The following DGKB variants were observed in gnomAD, a reference collection of about 807,000 sequenced individuals.
The protein encoded by DGKB is diacylglycerol kinase beta, also known as 90 kDa diacylglycerol kinase.
DGKB carries 67 observed loss-of-function variants against 114.3 expected under a neutral mutation model. That is an observed-to-expected ratio of 0.59 (90% CI 0.48 to 0.72). The LOEUF is 0.72. Among genes scored for constraint, DGKB ranks in the 30% least tolerant of loss-of-function variants. DGKB has a pLI of 0.00. For synonymous variants in DGKB, 398 were observed against 323.1 expected, an observed-to-expected ratio of 1.23 and a Z score of -2.49; for missense variants, 907 against 975.2, an observed-to-expected ratio of 0.93 and a Z score of 0.93.
At chr7:14,301,235 A>G (rs577864762) in intron 23 of DGKB, among the ~76,000 whole-genome samples, 1 of 152,260 alleles carries the variant, frequency 6.6e-6, no homozygotes, top group East Asian at 1.9e-4. Context: ...GTTAAACAAT[A>G]ACACCAAAGA....
At chr7:14,562,554 T>C (rs965675020) in intron 20 of DGKB, among the ~76,000 whole-genome samples, 1 of 152,224 alleles carries the variant, frequency 6.6e-6, no homozygotes, top group Non-Finnish European at 1.5e-5. Flanking sequence ...TCCAAGGCCA[T>C]GGAAGCCTAT....
intron 2 of DGKB, among the ~76,000 whole-genome samples, chr7:14,828,631 A>T (rs75142078): frequency 2.2e-3 from 331 of 152,154 alleles, no homozygotes; most frequent in African/African-American, 7.8e-3. Flanking sequence ...GTTGGACAAA[A>T]TGTCATGGTA....
chr7:14,774,092 G>A (rs1342611597), intron 2 of DGKB, among the ~76,000 whole-genome samples: 3 of 152,096 alleles, frequency 2.0e-5, no homozygotes, highest in Non-Finnish European at 2.9e-5. Context: ...ATAGGCTTGG[G>A]AGGAGTGCAA....
intron 20 of DGKB, among the ~76,000 whole-genome samples, chr7:14,503,754 G>A (rs976278329): frequency 2.0e-5 from 3 of 152,114 alleles, no homozygotes; most frequent in Admixed American, 6.6e-5. Context: ...AGACAATAGG[G>A]ATGTGATTTA....
intron 5 of DGKB, chr7:14,718,954 G>C (rs1585944700): frequency 3.7e-6 from 1 of 269,440 alleles, no homozygotes. Context: ...CCCTAGGTGA[G>C]TTGGTACACA....
intron 23 of DGKB, among the ~76,000 whole-genome samples, chr7:14,282,797 T>C (rs1800189321): frequency 6.6e-6 from 1 of 152,122 alleles, no homozygotes; most frequent in Non-Finnish European, 1.5e-5. Flanking sequence ...AAAAGGCCTT[T>C]GACAAAATTC....
At chr7:14,300,187 A>T (rs1803279578) in intron 23 of DGKB, among the ~76,000 whole-genome samples, 1 of 152,156 alleles carries the variant, frequency 6.6e-6, no homozygotes, top group African/African-American at 2.4e-5. Context: ...TTCTTTAAAA[A>T]TTGACTCGAG....
At chr7:14,500,004 C>G (rs556370798) in intron 20 of DGKB, among the ~76,000 whole-genome samples, 38 of 151,898 alleles carry the variant, frequency 2.5e-4, no homozygotes, top group Admixed American at 1.3e-3. Flanking sequence ...TAAGTTGAAC[C>G]AGGACTACTA....
chr7:14,817,878 C>T (rs749265887), intron 2 of DGKB, among the ~76,000 whole-genome samples: 1 of 151,430 alleles, frequency 6.6e-6, no homozygotes, highest in Non-Finnish European at 1.5e-5. Flanking sequence ...TGTACATGTG[C>T]ATATAGAAGC....
At chr7:14,697,743 G>GGAAA (rs749957853) in intron 8 of DGKB, among the ~76,000 whole-genome samples, 17,993 of 118,882 alleles carry the variant, frequency 0.15, 1,449 homozygotes, top group Admixed American at 0.2. Context: ...GAAAGAAGGA[G>GGAAA]GAAAGAAAGA....
intron 4 of DGKB, among the ~76,000 whole-genome samples, chr7:14,742,057 T>C (rs989238385): frequency 1.3e-5 from 2 of 152,224 alleles, no homozygotes; most frequent in East Asian, 3.9e-4. Context: ...TAATTTCTGA[T>C]GAACAGAGAC....
At chr7:14,741,293 AC>A (rs1418770271) in intron 4 of DGKB, among the ~76,000 whole-genome samples, 1 of 152,218 alleles carries the variant, frequency 6.6e-6, no homozygotes, top group Non-Finnish European at 1.5e-5. Context: ...CCCTGTGCAA[AC>A]CAGTAAAAGG....
chr7:14,923,153 T>A (rs1784590823), intron 1 of DGKB, among the ~76,000 whole-genome samples: 1 of 152,230 alleles, frequency 6.6e-6, no homozygotes. Context: ...GTCAGCTGTC[T>A]GTCAAATTGT....
intron 23 of DGKB, among the ~76,000 whole-genome samples, chr7:14,192,653 C>A (rs528288309): frequency 6.6e-6 from 1 of 152,184 alleles, no homozygotes; most frequent in African/African-American, 2.4e-5. Flanking sequence ...TTTCCACAGA[C>A]CAGCCACAGG....
chr7:14,286,860 T>C (rs887405924), intron 23 of DGKB, among the ~76,000 whole-genome samples: 11 of 152,116 alleles, frequency 7.2e-5, no homozygotes, highest in South Asian at 2.1e-4. Flanking sequence ...TTTAGAAAAA[T>C]GTTTCAATGG....
At chr7:14,539,025 C>CA in intron 20 of DGKB, among the ~76,000 whole-genome samples, 1 of 152,080 alleles carries the variant, frequency 6.6e-6, no homozygotes, top group East Asian at 1.9e-4. Flanking sequence ...GTTTGTTATA[C>CA]AAAATGAGTA....
At chr7:14,816,758 T>C (rs1219706341) in intron 2 of DGKB, among the ~76,000 whole-genome samples, 1 of 152,216 alleles carries the variant, frequency 6.6e-6, no homozygotes, top group Non-Finnish European at 1.5e-5. Flanking sequence ...TAGGATGATA[T>C]CTACATTCTG....
At chr7:14,611,772 T>C (rs1805589559) in intron 16 of DGKB, among the ~76,000 whole-genome samples, 2 of 151,930 alleles carry the variant, frequency 1.3e-5, no homozygotes, top group African/African-American at 4.8e-5. Context: ...AAGGCAAATA[T>C]TCAACTAAGG....
chr7:14,867,883 C>A (rs947785337), intron 1 of DGKB, among the ~76,000 whole-genome samples: 1 of 151,998 alleles, frequency 6.6e-6, no homozygotes, highest in South Asian at 2.1e-4. Context: ...ATCAGCTGTC[C>A]CAGTCAAACA....
Sources: allele counts gnomAD v4.1 joint callset (sites outside exome capture counted in the v4.1 genomes callset), GRCh38; gene constraint gnomAD v4.1.1; transcripts MANE v1.5; gene names NCBI Gene and HGNC (gene_info 2026-07-23, HGNC 2026-07-21).